The following RAB5B variants were observed in gnomAD, a reference collection of about 807,000 sequenced individuals.
The protein encoded by RAB5B is RAB5B, member RAS oncogene family, also known as ras-related protein Rab-5B.
RAB5B carries 11 observed loss-of-function variants against 28.6 expected under a neutral mutation model. The ratio of observed to expected loss-of-function variants is 0.38; its 90% CI spans 0.24 to 0.64. The LOEUF (loss-of-function observed/expected upper bound fraction) is 0.64, where lower values mean the gene tolerates loss of function less well. RAB5B is among the 30% of genes least tolerant of loss of function. The pLI is 0.53. For missense variants in RAB5B, 169 were observed against 265.6 expected, an observed-to-expected ratio of 0.64 and a Z score of 2.53; for synonymous variants, 93 against 97.9, an observed-to-expected ratio of 0.95 and a Z score of 0.29.
chr12:55,981,355 C>T (rs1482916616), intron 1 of RAB5B, among the ~76,000 whole-genome samples: 4 of 152,206 alleles, frequency 2.6e-5, no homozygotes, highest in South Asian at 2.1e-4. Context: ...TAAGCCACCA[C>T]GCCTAGCCCA....
intron 1 of RAB5B, among the ~76,000 whole-genome samples, chr12:55,976,030 G>A (rs866079102): frequency 2.6e-5 from 4 of 152,136 alleles, no homozygotes; most frequent in East Asian, 1.9e-4. Flanking sequence ...GATTACAGGC[G>A]TGAGCCACCA....
chr12:55,981,802 ACTT>A (rs1285337305), intron 1 of RAB5B, among the ~76,000 whole-genome samples: 3 of 148,644 alleles, frequency 2.0e-5, no homozygotes, highest in South Asian at 2.1e-4. Context: ...GTAGAGCCGT[ACTT>A]CTTTTTTTTT....
Position 55,990,111 on chromosome 12 carries a change from A to C in RAB5B, c.315+13A>C. ...CATTACTAATCAGGTAAGTGAGCTA[A>C]GAAGACTGTCCTTGTTGGCTGGACA... On this transcript the variant is annotated intron_variant, in intron 3 of 5. Transcript: ENST00000360299. 1 of 1,609,268 alleles carries C rather than the reference A, an allele frequency of 6.2e-7. No homozygotes were observed. The highest frequency in any genetic ancestry group is 8.5e-7 in the Non-Finnish European group (1 of 1,177,088).
At position 55,993,406 on chromosome 12, in the gene RAB5B, A is replaced by G. The variant is rs1890196225; in HGVS notation, c.*1194A>G. On this transcript the variant is annotated 3_prime_UTR_variant, in exon 6 of 6. Coordinates refer to ENST00000360299, the MANE Select transcript of RAB5B (RefSeq NM_002868.4). ...ATTCTTGCCAAGCTAACTATTGACTATAGGTTTGCCTTTCCTGGAGAATTA... is the reference window on the plus strand; with the variant it reads ...ATTCTTGCCAAGCTAACTATTGACTGTAGGTTTGCCTTTCCTGGAGAATTA... 6.6e-6 allele frequency: 1 copy of G among 152,608 alleles called. No homozygotes were observed. Among genetic ancestry groups the G allele is most frequent in the African/African-American group, 2.4e-5 (1 of 41,422 alleles). The allele number at this position is 152,608 out of a possible 1,614,324, so 9.5% of individuals were successfully genotyped here.
At chr12:55,977,394 T>C (rs950898379) in intron 1 of RAB5B, among the ~76,000 whole-genome samples, 6 of 152,204 alleles carry the variant, frequency 3.9e-5, no homozygotes, top group Non-Finnish European at 7.3e-5. Context: ...GACCTGGAGT[T>C]GCAAAAATAT....
Position 55,996,003 on chromosome 12 carries a change from A to ATATATATTTTTTTTTTTTTTTTTTTTTTT in RAB5B, c.*3792_*3793insATATATTTTTTTTTTTTTTTTTTTTTTTT. 3 of 97,432 alleles carry ATATATATTTTTTTTTTTTTTTTTTTTTTT rather than the reference A, an allele frequency of 3.1e-5. No homozygotes were observed. The highest frequency in any genetic ancestry group is 1.4e-4 in the African/African-American group (3 of 21,120). 6.0% of individuals were successfully genotyped at this position (97,432 alleles called of 1,614,324 possible). A position where few individuals can be genotyped will look rare whatever the true frequency, so the allele number is the denominator to read the frequency against. On this transcript the variant is annotated 3_prime_UTR_variant, in exon 6 of 6. Coordinates refer to ENST00000360299, the MANE Select transcript of RAB5B (RefSeq NM_002868.4). ...TATATACATATATATATATATATAT[A>ATATATATTTTTTTTTTTTTTTTTTTTTTT]TTTTTTTTTTAACAACTGGTAGGAT...
At chr12:55,975,967 G>T (rs1398228901) in intron 1 of RAB5B, among the ~76,000 whole-genome samples, 1 of 151,376 alleles carries the variant, frequency 6.6e-6, no homozygotes, top group Non-Finnish European at 1.5e-5. Flanking sequence ...GGCCAGGATG[G>T]TCTCAATCTC....
At chr12:55,980,725 C>T in intron 1 of RAB5B, 1 of 1,580,592 alleles carries the variant, frequency 6.3e-7, no homozygotes, top group Non-Finnish European at 8.7e-7. Flanking sequence ...TGATGCTTTT[C>T]ATCCAGTTCT....
chr12:55,977,676 G>T (rs771526830), intron 1 of RAB5B, among the ~76,000 whole-genome samples: 10 of 152,200 alleles, frequency 6.6e-5, no homozygotes, highest in Non-Finnish European at 1.5e-4. Flanking sequence ...ATAAGGAAAT[G>T]CAGCAGCCCT....
At chr12:55,974,333 G>C (rs1336116946) in intron 1 of RAB5B, among the ~76,000 whole-genome samples, 194 bp downstream of exon 1, 21 of 152,200 alleles carry the variant, frequency 1.4e-4, no homozygotes, top group Admixed American at 1.4e-3. Flanking sequence ...CTGGGACCCC[G>C]AAGTTGGTGA....
rs908495220 is a variant in RAB5B at position 55,993,538 on chromosome 12, T to A, written c.*1326T>A. 1.3e-5 allele frequency: 2 copies of A among 152,692 alleles called. No individual in the cohort carries two copies. The highest frequency in any genetic ancestry group is 2.9e-5 in the Non-Finnish European group (2 of 68,088). The allele number at this position is 152,692 out of a possible 1,614,324, so 9.5% of individuals were successfully genotyped here. ...TTCTGTCCTTTCCCAGGTTTCACACTCAATTTGATATCCATTACCATGTCT... is the reference window on the plus strand; with the variant it reads ...TTCTGTCCTTTCCCAGGTTTCACACACAATTTGATATCCATTACCATGTCT... On this transcript the variant is annotated 3_prime_UTR_variant, in exon 6 of 6. Transcript: ENST00000360299.
At chr12:55,982,876 G>A (rs1889847742) in intron 1 of RAB5B, among the ~76,000 whole-genome samples, 1 of 152,150 alleles carries the variant, frequency 6.6e-6, no homozygotes, top group Non-Finnish European at 1.5e-5. Flanking sequence ...TTATTGTAGA[G>A]TAGTAACATT....
chr12:55,985,233 A>G lies in RAB5B; in HGVS notation c.-92-1636A>G, dbSNP rs781524823. Among the ~76,000 whole-genome samples, 27 of 152,294 alleles carry G rather than the reference A, an allele frequency of 1.8e-4. 1 individual carries two copies. Among genetic ancestry groups the G allele is most frequent in the Non-Finnish European group, 1.8e-4 (12 of 68,018 alleles). ...TTTATTCCTCTGAATTGCCTCCTGT[A>G]TGATTTTCTGTCTTTACGATCTAGT... On this transcript the variant is annotated intron_variant, in intron 1 of 5. Coordinates refer to ENST00000360299, the MANE Select transcript of RAB5B (RefSeq NM_002868.4).
chr12:55,990,603 T>G, intron 3 of RAB5B, 79 bp from the exon 4 acceptor site: 1 of 1,565,028 alleles, frequency 6.4e-7, no homozygotes, highest in Non-Finnish European at 8.7e-7. Context: ...AAGAGGTGAA[T>G]TTTGAGACTC....
At chr12:55,977,722 T>C (rs1409288168) in intron 1 of RAB5B, among the ~76,000 whole-genome samples, 1 of 152,200 alleles carries the variant, frequency 6.6e-6, no homozygotes, top group Non-Finnish European at 1.5e-5. Flanking sequence ...CTACATGGTA[T>C]ACTCCCACTT....
intron 1 of RAB5B, among the ~76,000 whole-genome samples, chr12:55,977,640 C>T (rs1017707128): frequency 1.1e-4 from 17 of 152,140 alleles, no homozygotes; most frequent in Non-Finnish European, 2.4e-4. Flanking sequence ...TGGAAGGTAA[C>T]CAAAGTGTGA....
chr12:55,980,886 C>T lies in RAB5B; in HGVS notation c.-92-5983C>T, dbSNP rs1487794019. ...TTGATCTTCTTCCCCTCTATATCCA[C>T]AGTGCGGATCTTGAAATCAATTCCG... On this transcript the variant is annotated intron_variant, in intron 1 of 5. Transcript: ENST00000360299. The T allele has an allele frequency of 3.1e-6, 5 of 1,612,344 alleles. No individual in the cohort carries two copies. In the East Asian group the frequency reaches 1.1e-4, roughly 36 times the overall value.
Position 55,986,927 on chromosome 12 carries a change from T to A in RAB5B, c.-34T>A. ...CCCTCCCCCCTTTACAGTATCCCCC[T>A]CCCTCCACCCTTTCCCATTCTGATA... On this transcript the variant is annotated 5_prime_UTR_variant, in exon 2 of 6. Coordinates refer to ENST00000360299, the MANE Select transcript of RAB5B (RefSeq NM_002868.4). 3.2e-6 allele frequency: 1 copy of A among 314,020 alleles called. No individual in the cohort carries two copies. The highest frequency in any genetic ancestry group is 5.1e-6 in the Non-Finnish European group (1 of 196,906). 19.5% of individuals were successfully genotyped at this position (314,020 alleles called of 1,614,324 possible). A position where few individuals can be genotyped will look rare whatever the true frequency, so the allele number is the denominator to read the frequency against.
chr12:55,981,173 C>T (rs914344268), intron 1 of RAB5B: 26 of 698,284 alleles, frequency 3.7e-5, no homozygotes, highest in Middle Eastern at 3.5e-4. Flanking sequence ...AAGCAATTCT[C>T]GTGCCTCAGC....
Sources: gnomAD v4.1 joint callset for allele counts (sites outside exome capture counted in the v4.1 genomes callset) on GRCh38, gnomAD v4.1.1 for gene constraint, MANE v1.5 for transcripts, NCBI Gene and HGNC (gene_info 2026-07-23, HGNC 2026-07-21) for gene names.